Variants in ESRRG observed in about 807,000 individuals in gnomAD.
The protein encoded by ESRRG is estrogen related receptor gamma.
ESRRG carries 13 observed loss-of-function variants against 44.0 expected under a neutral mutation model. That is an observed-to-expected ratio of 0.30 (90% CI 0.19 to 0.47). The LOEUF (loss-of-function observed/expected upper bound fraction) is 0.47. ESRRG is among the 20% of genes least tolerant of loss of function. ESRRG has a pLI of 1.00. For missense variants in ESRRG, 395 were observed against 580.6 expected, an observed-to-expected ratio of 0.68 and a Z score of 3.29; for synonymous variants, 215 against 214.6, an observed-to-expected ratio of 1.00 and a Z score of -0.02.
intron 2 of ESRRG, among the ~76,000 whole-genome samples, chr1:216,911,909 A>C (rs12135538): frequency 0.12 from 17,928 of 151,556 alleles, 1,356 homozygotes; most frequent in East Asian, 0.38. Context: ...GACTCTATTA[A>C]AAACACACAG....
Position 216,504,838 on chromosome 1 carries a change from G to A in ESRRG, c.*2101C>T, listed in dbSNP as rs1344976770. 1 of 152,492 alleles carries A rather than the reference G, an allele frequency of 6.6e-6. No homozygotes were observed. Among genetic ancestry groups the A allele is most frequent in the African/African-American group, 2.4e-5 (1 of 41,414 alleles). The allele number at this position is 152,492 out of a possible 1,614,324, so 9.4% of individuals were successfully genotyped here. ...ATTTTGATGTGTATCTGTTCATAAT[G>A]AATACTTGTTTGGAGTTTCAATCTC... is the stretch of plus-strand genomic sequence containing the variant. On this transcript the variant is annotated 3_prime_UTR_variant, in exon 7 of 7. Transcript: ENST00000408911.
intron 2 of ESRRG, among the ~76,000 whole-genome samples, chr1:216,877,294 T>C (rs2096370377): frequency 6.6e-6 from 1 of 152,114 alleles, no homozygotes; most frequent in South Asian, 2.1e-4. Flanking sequence ...TTGTTCTCAT[T>C]CCCCTCCCAC....
chr1:217,075,596 C>CCG (rs996245535), intron 1 of ESRRG, among the ~76,000 whole-genome samples: 4 of 146,738 alleles, frequency 2.7e-5, no homozygotes, highest in African/African-American at 9.8e-5. Context: ...CTTTCCCCCC[C>CCG]CCAACATTAA....
chr1:216,926,234 A>G (rs1560137017), intron 2 of ESRRG, among the ~76,000 whole-genome samples: 1 of 152,178 alleles, frequency 6.6e-6, no homozygotes, highest in Non-Finnish European at 1.5e-5. Flanking sequence ...GAAACACCAG[A>G]TCAGATGAAT....
intron 1 of ESRRG, among the ~76,000 whole-genome samples, chr1:216,992,888 G>A (rs961924979): frequency 1.3e-5 from 2 of 152,142 alleles, no homozygotes; most frequent in African/African-American, 4.8e-5. Context: ...TGTTCAGCAA[G>A]TCACTACACA....
intron 6 of ESRRG, among the ~76,000 whole-genome samples, chr1:216,512,544 G>A (rs1191846224): frequency 3.9e-5 from 6 of 152,182 alleles, no homozygotes; most frequent in African/African-American, 1.4e-4. Flanking sequence ...TAAAATAAAA[G>A]GAAGTGATGA....
intron 3 of ESRRG, among the ~76,000 whole-genome samples, chr1:216,628,654 C>T (rs1189513335): frequency 6.6e-6 from 1 of 152,088 alleles, no homozygotes; most frequent in Non-Finnish European, 1.5e-5. Context: ...CATACCCTAC[C>T]CTGATGCCAA....
chr1:216,830,241 A>C (rs2095466713), intron 2 of ESRRG, among the ~76,000 whole-genome samples: 1 of 152,220 alleles, frequency 6.6e-6, no homozygotes, highest in Non-Finnish European at 1.5e-5. Context: ...AATACGACTC[A>C]GCCAAATTTC....
At chr1:217,083,478 T>C (rs2091899837) in intron 1 of ESRRG, among the ~76,000 whole-genome samples, 1 of 152,220 alleles carries the variant, frequency 6.6e-6, no homozygotes, top group South Asian at 2.1e-4. Context: ...TGAAGTAAGT[T>C]GGAGACCATG....
intron 1 of ESRRG, among the ~76,000 whole-genome samples, chr1:216,718,778 T>C (rs1298261456): frequency 1.3e-5 from 2 of 152,002 alleles, no homozygotes; most frequent in Admixed American, 1.3e-4. Flanking sequence ...AGATCAACAT[T>C]GTATTGTTTC....
At chr1:216,703,572 T>C (rs1307163251) in intron 1 of ESRRG, among the ~76,000 whole-genome samples, 1 of 152,088 alleles carries the variant, frequency 6.6e-6, no homozygotes, top group Non-Finnish European at 1.5e-5. Flanking sequence ...TCTGTATAAA[T>C]GTAATTTTTT....
At chr1:217,098,596 T>C (rs1302472736) in intron 1 of ESRRG, among the ~76,000 whole-genome samples, 1 of 152,074 alleles carries the variant, frequency 6.6e-6, no homozygotes, top group Non-Finnish European at 1.5e-5. Flanking sequence ...AGAGAAACGG[T>C]CTAGCTGCTC....
rs967636095 is a variant in ESRRG, at chr1:216,672,374, A to G, written c.472+4702T>C. Reference sequence around the variant, plus strand: ...GTCAACAAGTAAAATATTCCTTTCTATTTACCTTTCATTGAAATCCATGAT... The same window carrying G: ...GTCAACAAGTAAAATATTCCTTTCTGTTTACCTTTCATTGAAATCCATGAT... On this transcript the variant is annotated intron_variant, in intron 2 of 6. Coordinates refer to ENST00000408911, the MANE Select transcript of ESRRG (RefSeq NM_001438.4). Among the ~76,000 whole-genome samples, 7 of 152,166 alleles carry G rather than the reference A, an allele frequency of 4.6e-5. No homozygotes were observed. In the South Asian group the frequency reaches 1.4e-3, roughly 32 times the overall value.
chr1:216,869,779 G>T (rs952252013), intron 2 of ESRRG, among the ~76,000 whole-genome samples: 1 of 151,866 alleles, frequency 6.6e-6, no homozygotes, highest in Non-Finnish European at 1.5e-5. Context: ...TTTATTAAAT[G>T]TATAACTATA....
At position 216,912,689 on chromosome 1, in the gene ESRRG, G is replaced by C. The variant is rs541018778; in HGVS notation, c.-14+26893C>G. The stretch of plus-strand genomic sequence containing the variant: ...TAATACTTTACAAATCATGAGGTAT[G>C]TCCATCTGACACTGTGTGTGTGCAT... On this transcript the variant is annotated intron_variant, in intron 2 of 7. Coordinates refer to the ESRRG transcript ENST00000359162. Among the ~76,000 whole-genome samples the C allele has an allele frequency of 4.6e-5, 7 of 152,228 alleles. No homozygotes were observed. In the South Asian group the frequency reaches 1.5e-3, roughly 32 times the overall value.
intron 3 of ESRRG, among the ~76,000 whole-genome samples, chr1:216,591,991 A>G (rs986941494): frequency 1.3e-5 from 2 of 152,206 alleles, no homozygotes; most frequent in Admixed American, 6.5e-5. Flanking sequence ...AGTGACCAAG[A>G]TAATGTCATC....
chr1:216,826,034 T>C (rs1343987926), intron 2 of ESRRG, among the ~76,000 whole-genome samples: 1 of 152,190 alleles, frequency 6.6e-6, no homozygotes, highest in Admixed American at 6.6e-5. Context: ...GCTTGTATTT[T>C]CTTTGCTAAC....
chr1:216,908,927 T>C (rs2059998553), intron 2 of ESRRG, among the ~76,000 whole-genome samples: 3 of 152,096 alleles, frequency 2.0e-5, no homozygotes, highest in Admixed American at 6.6e-5. Flanking sequence ...AAACATATTT[T>C]ATGGAGTAGA....
chr1:216,589,902 T>TAAAA (rs2057353870), intron 3 of ESRRG, among the ~76,000 whole-genome samples: 2 of 2,642 alleles, frequency 7.6e-4, no homozygotes, highest in African/African-American at 1.8e-3. Context: ...AAACTCTGTC[T>TAAAA]CAAAAAAAAA....
Sources: allele counts gnomAD v4.1 joint callset (sites outside exome capture counted in the v4.1 genomes callset), GRCh38; gene constraint gnomAD v4.1.1; transcripts MANE v1.5; gene names NCBI Gene and HGNC (gene_info 2026-07-23, HGNC 2026-07-21).